NCAN: variants seen among roughly 807,000 people sequenced by gnomAD.
NCAN encodes neurocan core protein.
Under a neutral mutation model 121.8 loss-of-function variants are expected in NCAN, and 47 were observed. The observed-to-expected ratio is 0.39, with a 90% CI of 0.31 to 0.49. NCAN has a LOEUF of 0.49. Ranked by LOEUF, NCAN falls within the 20% of genes least tolerant of loss-of-function variation. The pLI is 0.92. For synonymous variants in NCAN, 633 were observed against 702.0 expected (o/e 0.90, Z 1.55); for missense variants, 1,517 against 1,773.4 (o/e 0.86, Z 2.60).
intron 10 of NCAN, among the ~76,000 whole-genome samples, chr19:19,236,177 T>C (rs1389212502): frequency 2.6e-5 from 4 of 152,206 alleles, no homozygotes; most frequent in African/African-American, 9.6e-5. Context: ...GGTCACTCCC[T>C]ATTCCCATTC....
At chr19:19,246,484 C>T (rs781538760) in intron 13 of NCAN, among the ~76,000 whole-genome samples, 1 of 152,146 alleles carries the variant, frequency 6.6e-6, no homozygotes, top group Non-Finnish European at 1.5e-5. Context: ...AAAATAGTAT[C>T]TCATTGTTAT....
At chr19:19,223,895 A>T in intron 3 of NCAN, 126 bp from the exon 4 acceptor site, 2 of 952,052 alleles carry the variant, frequency 2.1e-6, no homozygotes, top group Non-Finnish European at 2.9e-6. Context: ...CTCGACCCAC[A>T]CTGTGCCTGG....
rs2060921350 is a variant in NCAN, at chr19:19,245,560, C to T, written c.3637+103C>T. 1.3e-5 allele frequency: 17 copies of T among 1,359,840 alleles called. 1 individual carries two copies. In the South Asian group the frequency reaches 2.4e-4, roughly 19 times the overall value. The allele number at this position is 1,359,840 out of a possible 1,614,324, so 84.2% of individuals were successfully genotyped here. Reference sequence around the variant, plus strand: ...TGGCATAATCATGGCTCATCACAGCCTCCACCGCCTGGGTTCAAGCCATCC... The same window carrying T: ...TGGCATAATCATGGCTCATCACAGCTTCCACCGCCTGGGTTCAAGCCATCC... On this transcript the variant is annotated intron_variant, in intron 13 of 14. Coordinates refer to ENST00000252575, the MANE Select transcript of NCAN (RefSeq NM_004386.3).
Position 19,249,978 on chromosome 19 carries a change from A to G in NCAN, c.*67A>G. 5 of 1,501,654 alleles carry G rather than the reference A, an allele frequency of 3.3e-6. No homozygotes were observed. The South Asian group carries it at 4.8e-5, about 14-fold the overall frequency. The allele number at this position is 1,501,654 out of a possible 1,614,324, so 93.0% of individuals were successfully genotyped here. On this transcript the variant is annotated 3_prime_UTR_variant, in exon 15 of 15. Coordinates refer to ENST00000252575, the MANE Select transcript of NCAN (RefSeq NM_004386.3). Reference sequence around the variant, plus strand: ...CTCTGGAGCCTTCGCCTGGGGAGACAGAACCCAGAGAGAAACAAGAGAGTC... The same window carrying G: ...CTCTGGAGCCTTCGCCTGGGGAGACGGAACCCAGAGAGAAACAAGAGAGTC...
At chr19:19,234,961 A>T (rs1021933807) in intron 9 of NCAN, 22 bp from the exon 10 acceptor site, 9 of 1,529,840 alleles carry the variant, frequency 5.9e-6, no homozygotes, top group Admixed American at 1.7e-5. Context: ...CCTCTAACTC[A>T]GTCTCTTCCC....
Position 19,227,386 on chromosome 19 carries a change from A to C in NCAN, c.1766A>C (p.Lys589Thr), listed in dbSNP as rs1402142606. 2 of 1,613,578 alleles carry C rather than the reference A, an allele frequency of 1.2e-6. No individual in the cohort carries two copies. The highest frequency in any genetic ancestry group is 1.7e-5 in the Admixed American group (1 of 60,010). The change falls in exon 8 of 15, where the codon AAA becomes ACA. Residue 589 changes from lysine (K) to threonine (T), a missense_variant. Coordinates refer to ENST00000252575, the MANE Select transcript of NCAN (RefSeq NM_004386.3). This position sits in a 1 kb window ranked among gnomAD's most constrained non-coding sequence, Gnocchi z 4.2. ...AGGGCCCCTGTCCTGGAGCTAGAGA[A>C]AGCCGAGGGCCCCAGTGCCAGGCCA... ...HSRAPVLELE[K>T]AEGPSARPAT... is the part of the protein sequence containing the mutation.
Position 19,228,409 on chromosome 19 carries a change from C to T in NCAN, c.2789C>T (p.Pro930Leu), listed in dbSNP as rs369511737. ...SSPLGKPAVP[P>L]GTPTAASVGE... Reference sequence around the variant, plus strand: ...CCCCTAGGGAAACCGGCTGTTCCTCCTGGGACACCGACTGCAGCCAGTGTG... The same window carrying T: ...CCCCTAGGGAAACCGGCTGTTCCTCTTGGGACACCGACTGCAGCCAGTGTG... Residue 930 changes from proline (P) to leucine (L), a missense_variant, in exon 8 of 15, where the codon CCT becomes CTT. By Grantham distance (98) the Pro-to-Leu change is moderately conservative. Transcript: ENST00000252575. 180 of 1,613,562 alleles carry T rather than the reference C, an allele frequency of 1.1e-4. No homozygotes were observed. Among genetic ancestry groups the T allele is most frequent in the Non-Finnish European group, 1.5e-4 (173 of 1,180,024 alleles).
At position 19,228,183 on chromosome 19, in the gene NCAN, G is replaced by A. The variant is rs772683080; in HGVS notation, c.2563G>A (p.Glu855Lys). ...EPGSQVFEEA[E>K]STTLSPQVAL... ...TGGATCCCAGGTGTTTGAAGAAGCC[G>A]AAAGCACCACCTTGAGCCCTCAGGT... Residue 855 changes from glutamate (E) to lysine (K), a missense_variant, in exon 8 of 15, where the codon GAA becomes AAA. Coordinates refer to ENST00000252575, the MANE Select transcript of NCAN (RefSeq NM_004386.3). 39 of 1,613,720 alleles carry A rather than the reference G, an allele frequency of 2.4e-5. No homozygotes were observed. In the Admixed American group the frequency reaches 4.2e-4, roughly 17 times the overall value.
At chr19:19,249,626 CAA>C in intron 14 of NCAN, 138 bp from the exon 15 acceptor site, 2 of 1,343,124 alleles carry the variant, frequency 1.5e-6, no homozygotes, top group Non-Finnish European at 2.0e-6. Flanking sequence ...TTTGGCCTCC[CAA>C]AGTGCTGGGA....
chr19:19,220,951 A>G (rs1381172946), intron 3 of NCAN, among the ~76,000 whole-genome samples: 1 of 151,888 alleles, frequency 6.6e-6, no homozygotes, highest in Non-Finnish European at 1.5e-5. Context: ...AAAAACGGGG[A>G]TGGGGGCCCA....
At chr19:19,239,250 C>A (rs139914852) in intron 11 of NCAN, among the ~76,000 whole-genome samples, 6 of 152,026 alleles carry the variant, frequency 3.9e-5, no homozygotes, top group Admixed American at 2.0e-4. Context: ...GCCTCACCCC[C>A]CTAAAAGAGG....
intron 3 of NCAN, among the ~76,000 whole-genome samples, chr19:19,220,072 T>TA (rs2060810933): frequency 6.6e-6 from 1 of 152,064 alleles, no homozygotes; most frequent in South Asian, 2.1e-4. Context: ...ATCTTGTCTT[T>TA]AACACCTCTC....
chr19:19,220,278 T>C (rs1271280026), intron 3 of NCAN, among the ~76,000 whole-genome samples: 1 of 151,732 alleles, frequency 6.6e-6, no homozygotes, highest in African/African-American at 2.4e-5. Context: ...GGTTATCTGA[T>C]TTTATGTAAG....
chr19:19,235,245 G>A (rs920590695), intron 10 of NCAN, 149 bp downstream of exon 10: 40 of 517,408 alleles, frequency 7.7e-5, no homozygotes, highest in East Asian at 1.8e-4. Flanking sequence ...CAAACTGTGC[G>A]TAACATAGAA....
chr19:19,215,219 C>G (rs1176387106), intron 1 of NCAN, among the ~76,000 whole-genome samples: 1 of 152,308 alleles, frequency 6.6e-6, no homozygotes, highest in Admixed American at 6.5e-5. Flanking sequence ...CTGTCACATA[C>G]AGCCTCCCCT....
chr19:19,229,163 G>A (rs956549611), intron 8 of NCAN, among the ~76,000 whole-genome samples: 2 of 152,196 alleles, frequency 1.3e-5, no homozygotes, highest in African/African-American at 2.4e-5. Context: ...AGCTGAGATT[G>A]TACCACTGCA....
intron 5 of NCAN, 101 bp downstream of exon 5, chr19:19,224,534 T>C: frequency 8.9e-6 from 13 of 1,457,280 alleles, no homozygotes; most frequent in South Asian, 1.3e-5. Context: ...AACTCCCCTG[T>C]CTTATACCTC....
intron 9 of NCAN, 84 bp from the exon 10 acceptor site, chr19:19,234,899 C>T: frequency 1.3e-6 from 1 of 790,102 alleles, no homozygotes; most frequent in Non-Finnish European, 2.1e-6. Flanking sequence ...AGGACCATGA[C>T]CCCATCTTCT....
In NCAN at chr19:19,219,152, C is replaced by T. The variant is rs760133345; in HGVS notation, c.311C>T (p.Ala104Val). 2.7e-5 allele frequency: 44 copies of T among 1,613,652 alleles called. No homozygotes were observed. The highest frequency in any genetic ancestry group is 3.6e-5 in the Non-Finnish European group (43 of 1,179,988). ...LVAKDNVVRV[A>V]KSWQGRVSLP... ...GCCAAGGACAATGTCGTGAGGGTGG[C>T]CAAAAGCTGGCAGGGACGAGTGTCA... The change falls in exon 3 of 15, where the codon GCC becomes GTC. Residue 104 changes from alanine (A) to valine (V), a missense_variant. Physicochemically the swap from Ala to Val is moderately conservative, Grantham distance 64. Coordinates refer to ENST00000252575, the MANE Select transcript of NCAN (RefSeq NM_004386.3).
Sources: allele counts gnomAD v4.1 joint callset (sites outside exome capture counted in the v4.1 genomes callset), GRCh38; gene constraint gnomAD v4.1.1; non-coding constraint Gnocchi (gnomAD v3.1); transcripts MANE v1.5; gene names NCBI Gene and HGNC (gene_info 2026-07-23, HGNC 2026-07-21).